POLI: variants seen among roughly 807,000 people sequenced by gnomAD.
POLI encodes the protein DNA polymerase iota.
In POLI, 58 loss-of-function variants were observed where a neutral mutation model predicts 51.6. The ratio of observed to expected loss-of-function variants is 1.12; its 90% CI spans 0.91 to 1.40. POLI has a LOEUF of 1.40. POLI is among the 40% of genes most tolerant of loss of function. POLI has a pLI of 0.00. For synonymous variants in POLI, 322 were observed against 299.7 expected, an observed-to-expected ratio of 1.07 and a Z score of -0.77; for missense variants, 921 against 871.3, an observed-to-expected ratio of 1.06 and a Z score of -0.72.
chr18:54,310,412 C>T (rs2088654932), intron 3 of POLI, among the ~76,000 whole-genome samples: 1 of 152,052 alleles, frequency 6.6e-6, no homozygotes, highest in Non-Finnish European at 1.5e-5. Flanking sequence ...TGCAGACTAC[C>T]ACCACTTGTA....
rs752264918 is a variant in POLI at position 54,293,980 on chromosome 18, A to G, written c.1736A>G (p.Asp579Gly). 5.6e-6 allele frequency: 9 copies of G among 1,613,112 alleles called. No homozygotes were observed. In the East Asian group the frequency reaches 2.0e-4, roughly 36 times the overall value. Residue 579 changes from aspartate (D) to glycine (G), a missense_variant, in exon 10 of 10, where the codon GAT becomes GGT. Asp to Gly is a moderately conservative substitution (Grantham distance 94). Transcript: ENST00000579534. ...TTCTTTTCTAAAAAACAAATGCAAG[A>G]TATTCCCATAAATCCTAGAGATCAT... is the stretch of plus-strand genomic sequence containing the variant. ...LSFFSKKQMQ[D>G]IPINPRDHLS...
At chr18:54,274,850 T>C (rs1234694522) in intron 3 of POLI, 1 of 152,196 alleles carries the variant, frequency 6.6e-6, no homozygotes, top group Non-Finnish European at 1.5e-5. Flanking sequence ...AATTTTCAGA[T>C]GACTGGATTA....
downstream of POLI, among the ~76,000 whole-genome samples, chr18:54,301,613 A>G (rs952007361): frequency 1.3e-5 from 2 of 152,172 alleles, no homozygotes; most frequent in Non-Finnish European, 1.5e-5. Context: ...TCAATACTCA[A>G]CTGAGGACTT....
At chr18:54,316,485 G>C (rs749798169) in intron 3 of POLI, among the ~76,000 whole-genome samples, 4 of 152,190 alleles carry the variant, frequency 2.6e-5, no homozygotes, top group Non-Finnish European at 4.4e-5. Flanking sequence ...ATTATTGAGA[G>C]AGTGGATTAG....
At chr18:54,282,382 A>G (rs952706096) in intron 5 of POLI, among the ~76,000 whole-genome samples, 100 of 152,248 alleles carry the variant, frequency 6.6e-4, no homozygotes, top group African/African-American at 2.3e-3. Flanking sequence ...CTAGTTTGCA[A>G]TGGGGTTTGA....
chr18:54,302,013 GA>G (rs2088500169), downstream of POLI, among the ~76,000 whole-genome samples: 1 of 152,060 alleles, frequency 6.6e-6, no homozygotes, highest in African/African-American at 2.4e-5. Context: ...ATTTGTTTAA[GA>G]ATGTGGGACT....
intron 7 of POLI, 189 bp downstream of exon 7, chr18:54,284,202 A>G: frequency 4.8e-6 from 2 of 413,050 alleles, no homozygotes; most frequent in Non-Finnish European, 8.8e-6. Context: ...GGTCTTACCT[A>G]AATTGAATTC....
chr18:54,282,985 C>T lies in POLI; in HGVS notation c.945C>T (p.Asn315=), dbSNP rs1279608354. The change falls in exon 6 of 10, where the codon AAC becomes AAT. Residue 315 remains asparagine (N), a synonymous_variant. Coordinates refer to ENST00000579534, the MANE Select transcript of POLI (RefSeq NM_007195.3). ...AAAAGCTCAGTTTTGGAGAGGATAA[C>T]TCCCCTGTGATACTCTCAGGACCAC... ...RIQKLSFGED[N]SPVILSGPPQ... is the part of the protein sequence containing the mutation. 4 of 1,610,252 alleles carry T rather than the reference C, an allele frequency of 2.5e-6. No homozygotes were observed. The South Asian group carries it at 3.3e-5, about 13-fold the overall frequency.
At chr18:54,272,793 G>C (rs1300711107) in intron 2 of POLI, among the ~76,000 whole-genome samples, 1 of 151,570 alleles carries the variant, frequency 6.6e-6, no homozygotes, top group African/African-American at 2.4e-5. Flanking sequence ...GCAGTGATGA[G>C]GCCATATAAT....
chr18:54,288,178 A>T (rs1448511731), intron 8 of POLI, among the ~76,000 whole-genome samples: 1 of 152,052 alleles, frequency 6.6e-6, no homozygotes, highest in African/African-American at 2.4e-5. Context: ...AGTTTTTCAT[A>T]TTTTCGCCAA....
chr18:54,288,913 A>G (rs3730783), intron 8 of POLI, among the ~76,000 whole-genome samples: 57,515 of 151,904 alleles, frequency 0.38, 11,693 homozygotes, highest in East Asian at 0.68. Context: ...ATCTATAATA[A>G]TGAATTTGAA....
At chr18:54,318,329 C>G (rs1325379754) in intron 3 of POLI, among the ~76,000 whole-genome samples, 1 of 152,028 alleles carries the variant, frequency 6.6e-6, no homozygotes, top group African/African-American at 2.4e-5. Context: ...TCTATTTTTA[C>G]TTATTTTAAA....
chr18:54,272,601 A>C (rs555761277), intron 2 of POLI, among the ~76,000 whole-genome samples: 1 of 151,668 alleles, frequency 6.6e-6, no homozygotes, highest in Non-Finnish European at 1.5e-5. Flanking sequence ...CCTTCCAAGT[A>C]GCTGGGACTA....
At chr18:54,271,156 C>CGAAG in intron 1 of POLI, 1 of 428,652 alleles carries the variant, frequency 2.3e-6, no homozygotes, top group Non-Finnish European at 4.2e-6. Flanking sequence ...ACGCAGTGCA[C>CGAAG]AAACAGTAAT....
Position 54,294,663 on chromosome 18 carries a change from ACTAT to A in POLI, c.*199_*202del, listed in dbSNP as rs1332223454. ...TATAACAGAAGAAATAATGTAAAAT[ACTAT>A]CTTTTATGTCTAAAGCCATTTTATA... On this transcript the variant is annotated 3_prime_UTR_variant, in exon 10 of 10. Transcript: ENST00000579534. 2 of 1,235,576 alleles carry A rather than the reference ACTAT, an allele frequency of 1.6e-6. No homozygotes were observed. Among genetic ancestry groups the A allele is most frequent in the African/African-American group, 3.1e-5 (2 of 64,414 alleles). The allele number at this position is 1,235,576 out of a possible 1,614,324, so 76.5% of individuals were successfully genotyped here.
intron 2 of POLI, 100 bp downstream of exon 2, chr18:54,271,585 T>G: frequency 1.2e-6 from 1 of 846,096 alleles, no homozygotes; most frequent in East Asian, 2.8e-5. Flanking sequence ...AAGAAAGATT[T>G]TGGAAGCAGT....
At chr18:54,298,851 T>G (rs2088440025), downstream of POLI, among the ~76,000 whole-genome samples, 1 of 151,996 alleles carries the variant, frequency 6.6e-6, no homozygotes, top group South Asian at 2.1e-4. Context: ...CCTCCCAAAG[T>G]GCTGAGATAC....
At position 54,283,771 on chromosome 18, in the gene POLI, T is replaced by C. The variant is rs653786; in HGVS notation, c.976-151T>C. 6.6e-6 allele frequency: 3 copies of C among 454,730 alleles called. No homozygotes were observed. The East Asian group carries it at 1.0e-4, about 16-fold the overall frequency. 28.2% of individuals were successfully genotyped at this position (454,730 alleles called of 1,614,324 possible). On this transcript the variant is annotated intron_variant, in intron 6 of 9. Transcript: ENST00000579534. ...GTACAATAGCTTGCAGATAAAAAACTGTTAATATAAAAGTGAACTAAATGG... is the reference window on the plus strand; with the variant it reads ...GTACAATAGCTTGCAGATAAAAAACCGTTAATATAAAAGTGAACTAAATGG...
In POLI at chr18:54,281,742, G is replaced by C. The variant is rs1192919500; in HGVS notation, c.796+839G>C. ...TACTTGGCTTTACTTTCGAGTTCTT[G>C]TATCTTTTTTTTTTTTTTTTAACAG... is the stretch of plus-strand genomic sequence containing the variant. On this transcript the variant is annotated intron_variant, in intron 5 of 9. Transcript: ENST00000579534. Among the ~76,000 whole-genome samples the C allele has an allele frequency of 2.3e-5, 3 of 132,896 alleles. No individual in the cohort carries two copies. In the East Asian group the frequency reaches 7.8e-4, roughly 34 times the overall value. 87.2% of individuals were successfully genotyped at this position (132,896 alleles called of 152,430 possible).
Sources: gnomAD v4.1 joint callset for allele counts (sites outside exome capture counted in the v4.1 genomes callset) on GRCh38, gnomAD v4.1.1 for gene constraint, MANE v1.5 for transcripts, NCBI Gene and HGNC (gene_info 2026-07-23, HGNC 2026-07-21) for gene names.